Variants in TDRD1 observed in about 807,000 individuals in gnomAD.
TDRD1 encodes the protein tudor domain containing 1.
In TDRD1, 37 loss-of-function variants were observed where a neutral mutation model predicts 140.6. The ratio of observed to expected loss-of-function variants is 0.26; its 90% CI spans 0.20 to 0.35. The LOEUF is 0.35. Among genes scored for constraint, TDRD1 ranks in the 10% least tolerant of loss-of-function variants. TDRD1 has a pLI of 1.00. For synonymous variants in TDRD1, 506 were observed against 475.7 expected, an observed-to-expected ratio of 1.06 and a Z score of -0.83; for missense variants, 1,243 against 1,393.0, an observed-to-expected ratio of 0.89 and a Z score of 1.71.
At chr10:114,228,593 C>A in intron 25 of TDRD1, 1 of 985,400 alleles carries the variant, frequency 1.0e-6, no homozygotes, top group Non-Finnish European at 1.2e-6. Context: ...GGAAAGTGGG[C>A]TGCACTGAGG....
In TDRD1 at chr10:114,202,304, G is replaced by C. The variant is rs1363573926; in HGVS notation, c.696+6G>C. On this transcript the variant is annotated splice_donor_region_variant and intron_variant, in intron 6 of 25. Transcript: ENST00000251864. ...ATGTGGAGGTAAACAATAAGGTATG[G>C]TATACTTTGTCTTTAAATTTTGAAT... is the stretch of plus-strand genomic sequence containing the variant. The C allele has an allele frequency of 6.4e-7, 1 of 1,569,130 alleles. No homozygotes were observed. The highest frequency in any genetic ancestry group is 1.2e-5 in the South Asian group (1 of 82,996).
At chr10:114,232,542 A>G (rs1261700632), downstream of TDRD1, among the ~76,000 whole-genome samples, 1 of 129,244 alleles carries the variant, frequency 7.7e-6, no homozygotes, top group African/African-American at 3.1e-5. Flanking sequence ...TTTTACTGGC[A>G]ATGTACGTTG....
At chr10:114,222,170 A>G (rs2036183459) in intron 20 of TDRD1, among the ~76,000 whole-genome samples, 1 of 152,228 alleles carries the variant, frequency 6.6e-6, no homozygotes, top group Admixed American at 6.5e-5. Context: ...ACTAAAAAGC[A>G]GGAGCTTAGG....
chr10:114,191,095 G>T, intron 3 of TDRD1, 76 bp downstream of exon 3: 2 of 1,444,958 alleles, frequency 1.4e-6, no homozygotes, highest in African/African-American at 1.4e-5. Context: ...ATAAAGAAGT[G>T]TTCAATTTGT....
At chr10:114,187,135 C>G (rs2033601048) in intron 1 of TDRD1, among the ~76,000 whole-genome samples, 1 of 152,276 alleles carries the variant, frequency 6.6e-6, no homozygotes, top group South Asian at 2.1e-4. Flanking sequence ...CACTTTGTGA[C>G]AAATTAAACT....
At chr10:114,210,097 T>C (rs990842783) in intron 11 of TDRD1, among the ~76,000 whole-genome samples, 3 of 152,214 alleles carry the variant, frequency 2.0e-5, no homozygotes, top group African/African-American at 7.2e-5. Context: ...TCTTGACTTG[T>C]GACTTTATGT....
chr10:114,222,132 A>G (rs900897346), intron 20 of TDRD1, among the ~76,000 whole-genome samples: 9 of 152,342 alleles, frequency 5.9e-5, no homozygotes, highest in South Asian at 2.1e-4. Flanking sequence ...TTTATCTCTA[A>G]TACTACAAAA....
intron 11 of TDRD1, among the ~76,000 whole-genome samples, chr10:114,209,926 G>A (rs971741982): frequency 6.6e-6 from 1 of 152,140 alleles, no homozygotes; most frequent in Non-Finnish European, 1.5e-5. Flanking sequence ...TTGCCATAAT[G>A]TCTCTAAGTC....
At chr10:114,214,003 A>C in exon 16 of TDRD1, 1 of 1,613,920 alleles carries the variant, frequency 6.2e-7, no homozygotes, top group South Asian at 1.1e-5. Context: ...AGGAAAAGTA[A>C]ATCCATTGGA....
chr10:114,219,605 G>A (rs74798984), intron 18 of TDRD1, among the ~76,000 whole-genome samples: 1 of 69,354 alleles, frequency 1.4e-5, no homozygotes, highest in South Asian at 4.1e-4. Context: ...TTTTTTTTTT[G>A]AGATGGGGTT....
chr10:114,221,217 A>C (rs1450367739), intron 19 of TDRD1, 140 bp from the exon 20 acceptor site: 1 of 960,948 alleles, frequency 1.0e-6, no homozygotes, highest in Non-Finnish European at 1.5e-6. Flanking sequence ...TTTTGTGAAA[A>C]AATACAGATT....
chr10:114,178,508 T>C (rs1413620261), upstream of TDRD1, among the ~76,000 whole-genome samples: 1 of 152,226 alleles, frequency 6.6e-6, no homozygotes. Flanking sequence ...CCTAGATCTC[T>C]GAAAGTATCT....
At chr10:114,191,702 T>G (rs1419216317) in intron 3 of TDRD1, among the ~76,000 whole-genome samples, 4 of 152,256 alleles carry the variant, frequency 2.6e-5, no homozygotes, top group African/African-American at 7.2e-5. Context: ...GAATTTTATA[T>G]GAACACGTTT....
exon 26 of TDRD1, chr10:114,231,890 G>C (rs2036775519): frequency 5.4e-6 from 1 of 186,378 alleles, no homozygotes; most frequent in South Asian, 1.6e-4. Context: ...CAAGGTTACA[G>C]TGAGCTATGA....
Position 114,204,224 on chromosome 10 carries a change from T to C in TDRD1, c.1125+8T>C, listed in dbSNP as rs746264530. ...GACTTGTTTCCTCCTTGTGTGAGTC[T>C]CTTTTACTTTCTAGATTTTTAATAG... On this transcript the variant is annotated splice_region_variant and intron_variant, in intron 9 of 25. Coordinates refer to ENST00000251864, the Ensembl canonical transcript of TDRD1. 1.3e-6 allele frequency: 2 copies of C among 1,574,952 alleles called. No individual in the cohort carries two copies. The highest frequency in any genetic ancestry group is 2.8e-5 in the African/African-American group (2 of 72,292).
rs541261190 is a variant in TDRD1, at chr10:114,210,202, T to C, written c.1385-379T>C. ...CCTATGGGGTTTATCATTTTCACTT[T>C]AGAGTGAGTAGGTCCTAATCTAATC... On this transcript the variant is annotated intron_variant, in intron 11 of 25. Coordinates refer to ENST00000251864, the Ensembl canonical transcript of TDRD1. Among the ~76,000 whole-genome samples the C allele has an allele frequency of 3.9e-5, 6 of 152,366 alleles. No individual in the cohort carries two copies. In the East Asian group the frequency reaches 1.2e-3, roughly 29 times the overall value.
intron 23 of TDRD1, among the ~76,000 whole-genome samples, 198 bp downstream of exon 23, chr10:114,227,497 T>G (rs1460803518): frequency 6.6e-6 from 1 of 152,218 alleles, no homozygotes; most frequent in Non-Finnish European, 1.5e-5. Flanking sequence ...GTCCAGATAG[T>G]CCTTAGATCA....
chr10:114,225,064 G>A (rs954982300), intron 21 of TDRD1, among the ~76,000 whole-genome samples: 12 of 152,126 alleles, frequency 7.9e-5, no homozygotes, highest in African/African-American at 2.9e-4. Flanking sequence ...CCTCCTGCCT[G>A]GAGTGCACAG....
rs202192647 is a variant in TDRD1 at position 114,210,220 on chromosome 10, A to G, written c.1385-361A>G. Among the ~76,000 whole-genome samples, 6 of 152,282 alleles carry G rather than the reference A, an allele frequency of 3.9e-5. No individual in the cohort carries two copies. In the East Asian group the frequency reaches 1.2e-3, roughly 29 times the overall value. ...TTCACTTTAGAGTGAGTAGGTCCTAATCTAATCTGATGTGTTTCTACTTGA... is the reference window on the plus strand; with the variant it reads ...TTCACTTTAGAGTGAGTAGGTCCTAGTCTAATCTGATGTGTTTCTACTTGA... On this transcript the variant is annotated intron_variant, in intron 11 of 25. Coordinates refer to ENST00000251864, the Ensembl canonical transcript of TDRD1.
Sources: gnomAD v4.1 joint callset for allele counts (sites outside exome capture counted in the v4.1 genomes callset) on GRCh38, gnomAD v4.1.1 for gene constraint, MANE v1.5 for transcripts, NCBI Gene and HGNC (gene_info 2026-07-23, HGNC 2026-07-21) for gene names.